The following MTR variants were observed in gnomAD, a reference collection of about 807,000 sequenced individuals.
The protein encoded by MTR is 5-methyltetrahydrofolate-homocysteine methyltransferase.
In MTR, 84 loss-of-function variants were observed where a neutral mutation model predicts 154.8. The observed-to-expected ratio is 0.54, with a 90% CI of 0.45 to 0.65. MTR has a LOEUF of 0.65. Ranked by LOEUF, MTR falls within the 30% of genes least tolerant of loss-of-function variation. MTR has a pLI of 0.00. For synonymous variants in MTR, 554 were observed against 553.9 expected, an observed-to-expected ratio of 1.00 and a Z score of 0.00; for missense variants, 1,275 against 1,570.2, an observed-to-expected ratio of 0.81 and a Z score of 3.18.
chr1:236,861,041 G>C, intron 19 of MTR, 84 bp from the exon 20 acceptor site: 1 of 1,205,628 alleles, frequency 8.3e-7, no homozygotes, highest in Non-Finnish European at 1.1e-6. Flanking sequence ...TTTCATGATG[G>C]CTCTGTGGAG....
intron 9 of MTR, among the ~76,000 whole-genome samples, 194 bp from the exon 10 acceptor site, chr1:236,825,140 ATTTT>A (rs749672025): frequency 8.8e-6 from 1 of 114,144 alleles, no homozygotes; most frequent in East Asian, 2.5e-4. Context: ...TTCCTCTGTG[ATTTT>A]TTTTTTTTTT....
intron 8 of MTR, among the ~76,000 whole-genome samples, chr1:236,821,583 G>T (rs1238570646): frequency 1.3e-5 from 2 of 151,806 alleles, no homozygotes; most frequent in Non-Finnish European, 2.9e-5. Context: ...CTAGTTACCA[G>T]TTTTTTTTCT....
intron 24 of MTR, among the ~76,000 whole-genome samples, chr1:236,876,900 G>T (rs760460000): frequency 6.6e-6 from 1 of 152,202 alleles, no homozygotes; most frequent in South Asian, 2.1e-4. Flanking sequence ...CTGTAAATGT[G>T]TTTGGCCTGA....
chr1:236,830,477 A>G (rs924646104), intron 12 of MTR, among the ~76,000 whole-genome samples: 3 of 152,228 alleles, frequency 2.0e-5, no homozygotes, highest in African/African-American at 4.8e-5. Context: ...GTCGTACGCT[A>G]TTGCTAAATT....
At chr1:236,896,511 A>G (rs559408405) in intron 31 of MTR, among the ~76,000 whole-genome samples, 3 of 152,200 alleles carry the variant, frequency 2.0e-5, no homozygotes, top group Non-Finnish European at 4.4e-5. Context: ...TCGAATAGAT[A>G]TCCTTGAGGG....
intron 17 of MTR, among the ~76,000 whole-genome samples, 154 bp from the exon 18 acceptor site, chr1:236,852,794 G>A (rs919551578): frequency 9.9e-5 from 15 of 152,174 alleles, no homozygotes. Context: ...TATCTTGTCT[G>A]TGGCTGCTTT....
intron 18 of MTR, among the ~76,000 whole-genome samples, chr1:236,853,761 A>G (rs919530646): frequency 2.0e-5 from 3 of 152,156 alleles, no homozygotes; most frequent in Admixed American, 2.0e-4. Context: ...ATCTGTGGCA[A>G]AGTTCTGCAG....
In MTR at chr1:236,852,983, C is replaced by T; in HGVS notation, c.1848C>T (p.Asn616=). 6.2e-7 allele frequency: 1 copy of T among 1,614,008 alleles called. No homozygotes were observed. The highest frequency in any genetic ancestry group is 1.1e-5 in the South Asian group (1 of 91,074). ...ACATGGGGATAGTGAATGCTGGAAA[C>T]CTCCCTGTGTATGATGATATCCATA... The part of the protein sequence containing the change: ...GMDMGIVNAG[N]LPVYDDIHKE... The change falls in exon 18 of 33, where the codon AAC becomes AAT. Residue 616 remains asparagine, a synonymous_variant. Transcript: ENST00000366577.
chr1:236,825,223 G>T, intron 9 of MTR, 115 bp from the exon 10 acceptor site: 7 of 512,264 alleles, frequency 1.4e-5, no homozygotes, highest in Admixed American at 6.3e-5. Flanking sequence ...GTTTTTGCAA[G>T]TAGTCACCAT....
chr1:236,841,181 A>G (rs1027655781), intron 15 of MTR, among the ~76,000 whole-genome samples: 4 of 152,168 alleles, frequency 2.6e-5, no homozygotes, highest in Non-Finnish European at 5.9e-5. Context: ...ACAGTGATTA[A>G]AGATTTTTTA....
At chr1:236,824,612 G>A (rs1662174644) in intron 9 of MTR, among the ~76,000 whole-genome samples, 1 of 152,194 alleles carries the variant, frequency 6.6e-6, no homozygotes, top group African/African-American at 2.4e-5. Context: ...TTCTCTGAAA[G>A]CTTGGACTTG....
chr1:236,868,995 ACTT>A (rs1211665362), intron 22 of MTR, among the ~76,000 whole-genome samples: 3 of 152,202 alleles, frequency 2.0e-5, no homozygotes, highest in Admixed American at 6.5e-5. Context: ...CACTGGCACT[ACTT>A]AAGTACAGGT....
Position 236,885,889 on chromosome 1 carries a change from G to A in MTR, c.2776-403G>A, listed in dbSNP as rs376228030. 8.5e-5 allele frequency among the ~76,000 whole-genome samples: 13 copies of A among 152,096 alleles called. No homozygotes were observed. In the East Asian group the frequency reaches 1.5e-3, roughly 18 times the overall value. On this transcript the variant is annotated intron_variant, in intron 26 of 32. Transcript: ENST00000366577. ...GTAGGTAGGCCAAGACGCAGTGGTT[G>A]GCTTTTTTCTCTCTCCTTAGGTTCG... is the stretch of plus-strand genomic sequence containing the variant.
chr1:236,851,820 T>C (rs1663921622), intron 16 of MTR, among the ~76,000 whole-genome samples: 1 of 152,236 alleles, frequency 6.6e-6, no homozygotes, highest in African/African-American at 2.4e-5. Flanking sequence ...AGCTGTTTGT[T>C]CATTTTTATT....
At chr1:236,799,667 C>G (rs1389985022) in intron 1 of MTR, among the ~76,000 whole-genome samples, 1 of 152,068 alleles carries the variant, frequency 6.6e-6, no homozygotes, top group Non-Finnish European at 1.5e-5. Flanking sequence ...TAACACAAAT[C>G]AATAAGAAAA....
chr1:236,863,074 A>G (rs1018431045), intron 21 of MTR, among the ~76,000 whole-genome samples: 2 of 152,164 alleles, frequency 1.3e-5, no homozygotes, highest in African/African-American at 2.4e-5. Context: ...TCAGATTCAG[A>G]TGGGACATAC....
chr1:236,864,391 A>G (rs1383585295), intron 22 of MTR, among the ~76,000 whole-genome samples: 1 of 152,130 alleles, frequency 6.6e-6, no homozygotes, highest in Non-Finnish European at 1.5e-5. Context: ...CAACATTTTT[A>G]TCCATCTCTG....
intron 29 of MTR, among the ~76,000 whole-genome samples, chr1:236,893,783 C>T (rs1666466071): frequency 2.6e-5 from 4 of 152,092 alleles, no homozygotes; most frequent in African/African-American, 9.7e-5. Context: ...CTGCTGAATT[C>T]TTGGTTTGGT....
chr1:236,891,239 G>A lies in MTR; in HGVS notation c.3114G>A (p.Gln1038=). The A allele has an allele frequency of 6.2e-7, 1 of 1,614,164 alleles. No individual in the cohort carries two copies. Among genetic ancestry groups the A allele is most frequent in the Non-Finnish European group, 8.5e-7 (1 of 1,180,026 alleles). The change falls in exon 29 of 33, where the codon CAG becomes CAA. Residue 1038 remains glutamine, a synonymous_variant. Transcript: ENST00000366577. The part of the protein sequence containing the change: ...ARGVVGFWPA[Q]SIQDDIHLYA... ...GTGTGGTTGGGTTCTGGCCAGCACAGAGTATCCAAGACGACATTCACCTGT... is the reference window on the plus strand; with the variant it reads ...GTGTGGTTGGGTTCTGGCCAGCACAAAGTATCCAAGACGACATTCACCTGT...
Sources: allele counts gnomAD v4.1 joint callset (sites outside exome capture counted in the v4.1 genomes callset), GRCh38; gene constraint gnomAD v4.1.1; transcripts MANE v1.5; gene names NCBI Gene and HGNC (gene_info 2026-07-23, HGNC 2026-07-21).